AK9: variants seen among roughly 807,000 people sequenced by gnomAD.
The protein encoded by AK9 is adenylate kinase 9.
AK9 carries 191 observed loss-of-function variants against 239.6 expected under a neutral mutation model. That is an observed-to-expected ratio of 0.80 (90% CI 0.71 to 0.90). The LOEUF (loss-of-function observed/expected upper bound fraction) is 0.90, where lower values mean the gene tolerates loss of function less well. Among genes scored for constraint, AK9 ranks in the 40% least tolerant of loss-of-function variants. The pLI is 0.00. For synonymous variants in AK9, 689 were observed against 721.0 expected (o/e 0.96, Z 0.71); for missense variants, 1,995 against 2,214.7 (o/e 0.90, Z 1.99).
intron 13 of AK9, among the ~76,000 whole-genome samples, chr6:109,614,960 C>T (rs1034106648): frequency 2.0e-5 from 3 of 152,086 alleles, no homozygotes; most frequent in African/African-American, 4.8e-5. Flanking sequence ...AATAAAAAGG[C>T]TTTTAAGTTT....
At chr6:109,573,699 G>A in intron 20 of AK9, 105 bp from the exon 21 acceptor site, 1 of 1,107,416 alleles carries the variant, frequency 9.0e-7, no homozygotes, top group Non-Finnish European at 1.3e-6. Flanking sequence ...AATGGTCCCT[G>A]CCCTCCTAGA....
chr6:109,645,613 T>G (rs937125125), intron 8 of AK9, among the ~76,000 whole-genome samples: 18 of 151,508 alleles, frequency 1.2e-4, no homozygotes, highest in Non-Finnish European at 4.4e-5. Context: ...CTCTGTAGAC[T>G]CCACCTCTGG....
chr6:109,602,035 C>A (rs1792071064), intron 17 of AK9, among the ~76,000 whole-genome samples: 1 of 152,080 alleles, frequency 6.6e-6, no homozygotes. Context: ...ATCCAATTTG[C>A]CAGTCTGTGT....
chr6:109,644,366 G>C (rs1797783400), intron 9 of AK9: 2 of 350,146 alleles, frequency 5.7e-6, no homozygotes, highest in South Asian at 1.3e-4. Context: ...ATGTGCTTTT[G>C]GTTACCATTG....
At position 109,506,468 on chromosome 6, in the gene AK9, T is replaced by A. The variant is rs749711688; in HGVS notation, c.4708A>T (p.Arg1570Trp). 4 of 1,613,688 alleles carry A rather than the reference T, an allele frequency of 2.5e-6. No individual in the cohort carries two copies. In the East Asian group the frequency reaches 8.9e-5, roughly 36 times the overall value. ...VKYRKNIGEI[R>W]QYYQEQHQNW... ...TGATGCTGTTCTTGATAATATTGCC[T>A]AATCTCACCAATATTTTTGCGATAC... is the stretch of plus-strand genomic sequence containing the variant. Residue 1570 changes from arginine (R) to tryptophan (W), a missense_variant, in exon 35 of 41, where the codon AGG (arginine) becomes TGG (tryptophan). Coordinates refer to ENST00000424296, the MANE Select transcript of AK9 (RefSeq NM_001145128.3).
chr6:109,546,363 T>C (rs1168118518), intron 25 of AK9, among the ~76,000 whole-genome samples: 2 of 152,256 alleles, frequency 1.3e-5, no homozygotes, highest in Admixed American at 1.3e-4. Flanking sequence ...CTTGGTATCA[T>C]ATGCCAAAAG....
intron 10 of AK9, among the ~76,000 whole-genome samples, chr6:109,635,191 T>C (rs943417846): frequency 1.3e-5 from 2 of 152,160 alleles, no homozygotes; most frequent in African/African-American, 4.8e-5. Flanking sequence ...GGCTGACAGC[T>C]CACCAGTTAC....
intron 21 of AK9, among the ~76,000 whole-genome samples, chr6:109,566,235 C>T (rs1432273461): frequency 1.3e-5 from 2 of 152,052 alleles, no homozygotes; most frequent in African/African-American, 2.4e-5. Context: ...GAAAAGTACA[C>T]GTGTGTGGGA....
intron 35 of AK9, among the ~76,000 whole-genome samples, chr6:109,504,518 C>A (rs1777910967): frequency 6.6e-6 from 1 of 152,152 alleles, no homozygotes; most frequent in Non-Finnish European, 1.5e-5. Flanking sequence ...TTAAATTTAA[C>A]TGGGTGTCAG....
chr6:109,523,607 A>AGTGT (rs1780104851), intron 29 of AK9, among the ~76,000 whole-genome samples: 1 of 152,182 alleles, frequency 6.6e-6, no homozygotes, highest in East Asian at 1.9e-4. Flanking sequence ...GTTTCAGAGT[A>AGTGT]GTGGTGGTTT....
intron 12 of AK9, among the ~76,000 whole-genome samples, chr6:109,624,248 G>T (rs1554274166): frequency 6.6e-6 from 1 of 152,040 alleles, no homozygotes; most frequent in Non-Finnish European, 1.5e-5. Flanking sequence ...CAGAACAACT[G>T]ACATCATGGG....
At chr6:109,641,244 C>T (rs1187664348) in intron 10 of AK9, among the ~76,000 whole-genome samples, 1 of 149,588 alleles carries the variant, frequency 6.7e-6, no homozygotes, top group Admixed American at 6.7e-5. Context: ...TCATGGCTCA[C>T]TGCAGCCTTA....
intron 1 of AK9, among the ~76,000 whole-genome samples, chr6:109,681,760 A>G (rs2128353342): frequency 6.6e-6 from 1 of 152,312 alleles, no homozygotes; most frequent in Non-Finnish European, 1.5e-5. Flanking sequence ...CCACAGTGCA[A>G]TCAAATTAGA....
At chr6:109,502,138 C>T (rs1362176678) in intron 35 of AK9, among the ~76,000 whole-genome samples, 2 of 152,128 alleles carry the variant, frequency 1.3e-5, no homozygotes, top group East Asian at 3.8e-4. Flanking sequence ...GTGTAATCTC[C>T]TCCCCCATGT....
chr6:109,520,697 G>T (rs575102503), intron 29 of AK9, among the ~76,000 whole-genome samples: 2 of 152,236 alleles, frequency 1.3e-5, no homozygotes, highest in African/African-American at 4.8e-5. Context: ...AGATTGAATA[G>T]TATGGCCATT....
At chr6:109,651,120 T>A (rs1308749287) in intron 8 of AK9, among the ~76,000 whole-genome samples, 5 of 152,010 alleles carry the variant, frequency 3.3e-5, no homozygotes, top group African/African-American at 1.2e-4. Context: ...TTAGGAGATA[T>A]ACCTAATGCT....
intron 20 of AK9, among the ~76,000 whole-genome samples, chr6:109,578,246 T>G (rs1435863994): frequency 1.3e-5 from 2 of 151,994 alleles, no homozygotes; most frequent in African/African-American, 4.8e-5. Flanking sequence ...TTTTTGTATT[T>G]TTAGTAGAGC....
At chr6:109,493,697 T>TAA (rs1776752202) in intron 40 of AK9, 126 bp from the exon 41 acceptor site, 1 of 881,860 alleles carries the variant, frequency 1.1e-6, no homozygotes, top group South Asian at 1.8e-5. Context: ...AAATCCCAAA[T>TAA]AAAATCTGGA....
chr6:109,690,106 G>T (rs1465301203), intron 1 of AK9, among the ~76,000 whole-genome samples: 1 of 151,974 alleles, frequency 6.6e-6, no homozygotes, highest in East Asian at 1.9e-4. Flanking sequence ...ATGTTATCTG[G>T]GTATGCTATA....
Sources: allele counts gnomAD v4.1 joint callset (sites outside exome capture counted in the v4.1 genomes callset), GRCh38; gene constraint gnomAD v4.1.1; transcripts MANE v1.5; gene names NCBI Gene and HGNC (gene_info 2026-07-23, HGNC 2026-07-21).